PTPN9: variants seen among roughly 807,000 people sequenced by gnomAD.
PTPN9 encodes the protein protein tyrosine phosphatase non-receptor type 9, also known as tyrosine-protein phosphatase non-receptor type 9.
PTPN9 carries 26 observed loss-of-function variants against 69.8 expected under a neutral mutation model. The ratio of observed to expected loss-of-function variants is 0.37; its 90% CI spans 0.27 to 0.52. The LOEUF (loss-of-function observed/expected upper bound fraction) is 0.52, where lower values mean the gene tolerates loss of function less well. Among genes scored for constraint, PTPN9 ranks in the 20% least tolerant of loss-of-function variants. The pLI is 0.91. For synonymous variants in PTPN9, 274 were observed against 272.5 expected (o/e 1.01, Z -0.05); for missense variants, 549 against 740.3 (o/e 0.74, Z 3.00).
At chr15:75,503,339 G>T (rs1335263412) in intron 7 of PTPN9, among the ~76,000 whole-genome samples, 1 of 146,048 alleles carries the variant, frequency 6.8e-6, no homozygotes, top group African/African-American at 2.6e-5. Context: ...CCCCGTCTGG[G>T]AGGTGAGGAG....
chr15:75,556,937 A>G (rs530368218), intron 1 of PTPN9, among the ~76,000 whole-genome samples: 87 of 152,312 alleles, frequency 5.7e-4, no homozygotes, highest in African/African-American at 2.1e-3. Flanking sequence ...AAACAAGTGG[A>G]ATCACAACAG....
chr15:75,574,935 T>C (rs2075164406), intron 1 of PTPN9, among the ~76,000 whole-genome samples: 1 of 104,748 alleles, frequency 9.5e-6, no homozygotes, highest in African/African-American at 3.2e-5. Context: ...AGAGCAAAAC[T>C]CTGTCTCAAA....
intron 8 of PTPN9, among the ~76,000 whole-genome samples, chr15:75,483,103 C>T (rs1377262489): frequency 2.6e-5 from 4 of 152,286 alleles, no homozygotes; most frequent in Middle Eastern, 6.8e-3. Context: ...AACCCTCATA[C>T]ATGTGTAAAC....
intron 5 of PTPN9, among the ~76,000 whole-genome samples, chr15:75,514,805 T>C (rs575065933): frequency 2.0e-5 from 3 of 152,282 alleles, no homozygotes; most frequent in South Asian, 2.1e-4. Flanking sequence ...TATGAAGATA[T>C]AGTTAATTTC....
At chr15:75,575,273 G>T (rs1207123767) in intron 1 of PTPN9, among the ~76,000 whole-genome samples, 1 of 149,558 alleles carries the variant, frequency 6.7e-6, no homozygotes, top group Admixed American at 6.7e-5. Flanking sequence ...GCGCCCGGCC[G>T]AAAAGAAATA....
intron 1 of PTPN9, among the ~76,000 whole-genome samples, chr15:75,550,488 A>AT (rs2141334953): frequency 6.6e-6 from 1 of 150,750 alleles, no homozygotes; most frequent in Admixed American, 6.6e-5. Context: ...TTTAAAGGAC[A>AT]TAAAAAATAA....
chr15:75,521,345 G>A (rs971399837), intron 4 of PTPN9, among the ~76,000 whole-genome samples: 5 of 150,990 alleles, frequency 3.3e-5, no homozygotes, highest in Admixed American at 1.3e-4. Flanking sequence ...CCAGCTACTC[G>A]GGAGGCTGAG....
chr15:75,521,039 C>T (rs921081422), intron 4 of PTPN9, among the ~76,000 whole-genome samples: 4 of 152,038 alleles, frequency 2.6e-5, no homozygotes, highest in African/African-American at 7.2e-5. Flanking sequence ...TTTGTAGAGA[C>T]GAGGCCTTGC....
chr15:75,539,344 C>T (rs189502983), intron 1 of PTPN9, among the ~76,000 whole-genome samples: 1 of 149,790 alleles, frequency 6.7e-6, no homozygotes, highest in Non-Finnish European at 1.5e-5. Context: ...GATGGAGTCT[C>T]GCACTGCCAC....
Position 75,464,771 on chromosome 15 carries a change from C to T in PTPN9, c.*3998G>A, listed in dbSNP as rs2074530193. 6.6e-6 allele frequency: 1 copy of T among 152,166 alleles called. No homozygotes were observed. The highest frequency in any genetic ancestry group is 1.5e-5 in the Non-Finnish European group (1 of 68,038). The allele number at this position is 152,166 out of a possible 1,614,324, so 9.4% of individuals were successfully genotyped here. A position where few individuals can be genotyped will look rare whatever the true frequency, so the allele number is the denominator to read the frequency against. ...TCCTTTCAGGGAAGGAACCAAATTT[C>T]CCTAGGGCTATGATGCTAAATAGTC... is the stretch of plus-strand genomic sequence containing the variant. On this transcript the variant is annotated 3_prime_UTR_variant, in exon 13 of 13. Coordinates refer to ENST00000618819, the MANE Select transcript of PTPN9 (RefSeq NM_002833.4).
At chr15:75,567,708 G>A (rs2075132145) in intron 1 of PTPN9, among the ~76,000 whole-genome samples, 1 of 152,122 alleles carries the variant, frequency 6.6e-6, no homozygotes, top group Admixed American at 6.6e-5. Context: ...AAGGAAAAAT[G>A]AAATGCTGCC....
intron 1 of PTPN9, among the ~76,000 whole-genome samples, chr15:75,540,315 CT>C (rs1329819566): frequency 2.0e-5 from 3 of 152,100 alleles, no homozygotes; most frequent in South Asian, 4.1e-4. Flanking sequence ...AATCCTAGCA[CT>C]TTGGGAAGAC....
chr15:75,504,020 G>A (rs866864043), intron 7 of PTPN9, among the ~76,000 whole-genome samples: 8 of 136,620 alleles, frequency 5.9e-5, no homozygotes, highest in South Asian at 2.4e-4. Flanking sequence ...CCCCGTCCGG[G>A]AGGGAGGTGG....
At chr15:75,577,242 T>C (rs2075178074) in intron 1 of PTPN9, among the ~76,000 whole-genome samples, 1 of 152,244 alleles carries the variant, frequency 6.6e-6, no homozygotes, top group Non-Finnish European at 1.5e-5. Flanking sequence ...GCTATTTGCA[T>C]AGAATACTGA....
chr15:75,557,463 C>A (rs1309904410), intron 1 of PTPN9, among the ~76,000 whole-genome samples: 1 of 151,750 alleles, frequency 6.6e-6, no homozygotes, highest in African/African-American at 2.4e-5. Flanking sequence ...GAGAATAGTG[C>A]TGCTATGACA....
At chr15:75,511,884 T>A (rs1271214138) in intron 5 of PTPN9, among the ~76,000 whole-genome samples, 2 of 138,972 alleles carry the variant, frequency 1.4e-5, no homozygotes, top group African/African-American at 5.5e-5. Flanking sequence ...TTTTTTTTTT[T>A]AGTCTCACTT....
In PTPN9 at chr15:75,465,346, T is replaced by A. The variant is rs1320724324; in HGVS notation, c.*3423A>T. 6.6e-6 allele frequency: 1 copy of A among 152,194 alleles called. No individual in the cohort carries two copies. The highest frequency in any genetic ancestry group is 6.5e-5 in the Admixed American group (1 of 15,272). The allele number at this position is 152,194 out of a possible 1,614,324, so 9.4% of individuals were successfully genotyped here. On this transcript the variant is annotated 3_prime_UTR_variant, in exon 13 of 13. Coordinates refer to ENST00000618819, the MANE Select transcript of PTPN9 (RefSeq NM_002833.4). Reference sequence around the variant, plus strand: ...CTCAAACTCCTGACCTCAGGTGATCTGCCCACCTCGGCCTTCCAAAGTACT... The same window carrying A: ...CTCAAACTCCTGACCTCAGGTGATCAGCCCACCTCGGCCTTCCAAAGTACT...
intron 9 of PTPN9, among the ~76,000 whole-genome samples, chr15:75,475,556 C>G (rs2074591360): frequency 6.6e-6 from 1 of 152,030 alleles, no homozygotes; most frequent in Admixed American, 6.6e-5. Context: ...CCATTGAACT[C>G]CGGCCTGGGC....
chr15:75,548,325 G>A (rs1360707425), intron 1 of PTPN9, among the ~76,000 whole-genome samples: 1 of 150,368 alleles, frequency 6.7e-6, no homozygotes, highest in Non-Finnish European at 1.5e-5. Context: ...GGACGATCTC[G>A]GCTCACTGCA....
Sources: allele counts gnomAD v4.1 joint callset (sites outside exome capture counted in the v4.1 genomes callset), GRCh38; gene constraint gnomAD v4.1.1; transcripts MANE v1.5; gene names NCBI Gene and HGNC (gene_info 2026-07-23, HGNC 2026-07-21).